Variants in TOGARAM1 observed in about 807,000 individuals in gnomAD.
The protein encoded by TOGARAM1 is TOG array regulator of axonemal microtubules protein 1.
TOGARAM1 carries 100 observed loss-of-function variants against 166.6 expected under a neutral mutation model. The observed-to-expected ratio is 0.60, with a 90% CI of 0.51 to 0.71. The LOEUF (loss-of-function observed/expected upper bound fraction) is 0.71, where lower values mean the gene tolerates loss of function less well. Among genes scored for constraint, TOGARAM1 ranks in the 30% least tolerant of loss-of-function variants. The pLI, the probability that TOGARAM1 is intolerant of heterozygous loss-of-function variation, is 0.00. For missense variants in TOGARAM1, 2,029 were observed against 2,102.7 expected, an observed-to-expected ratio of 0.96 and a Z score of 0.69; for synonymous variants, 758 against 763.8, an observed-to-expected ratio of 0.99 and a Z score of 0.13.
Position 45,052,476 on chromosome 14 carries a change from C to A in TOGARAM1, c.4354C>A (p.Pro1452Thr). The change falls in exon 15 of 20, where the codon CCT becomes ACT. Residue 1452 changes from proline to threonine, a missense_variant. Transcript: ENST00000361462. ...GATGCTGTTCTTCATGATGTGTCAT[C>A]CTAACTTTGAAAAAATGCTTGAAAA... is the stretch of plus-strand genomic sequence containing the variant. ...RKMLFFMMCH[P>T]NFEKMLEKYV... The A allele has an allele frequency of 6.2e-7, 1 of 1,612,618 alleles. No individual in the cohort carries two copies. Among genetic ancestry groups the A allele is most frequent in the South Asian group, 1.1e-5 (1 of 90,914 alleles).
At chr14:44,986,736 G>T (rs2138776407) in intron 1 of TOGARAM1, among the ~76,000 whole-genome samples, 1 of 151,904 alleles carries the variant, frequency 6.6e-6, no homozygotes, top group South Asian at 2.1e-4. Context: ...GCTGGGCGCG[G>T]TGGCTCGAGC....
intron 13 of TOGARAM1, among the ~76,000 whole-genome samples, chr14:45,045,559 ATATATATATATATATATATATATATG>A (rs1566660187): frequency 1.0e-3 from 44 of 43,564 alleles, no homozygotes; most frequent in Non-Finnish European, 1.5e-3. Flanking sequence ...ATATATATAT[ATATATATATATATATATATATATATG>A]TGTGTGTGTG....
In TOGARAM1 at chr14:44,963,300, A is replaced by G; in HGVS notation, c.879A>G (p.Gln293=). The change falls in exon 1 of 20, where the codon CAA becomes CAG. Residue 293 remains glutamine, a synonymous_variant. Coordinates refer to ENST00000361462, the MANE Select transcript of TOGARAM1 (RefSeq NM_001308120.2). The stretch of plus-strand genomic sequence containing the variant: ...AGCGACTTGGCCAAGACAGGTTTCA[A>G]TCTTACATTTCTCGTCTGCCCTCTG... ...IGERLGQDRF[Q]SYISRLPSAL... 2 of 1,614,184 alleles carry G rather than the reference A, an allele frequency of 1.2e-6. No homozygotes were observed. The highest frequency in any genetic ancestry group is 1.7e-6 in the Non-Finnish European group (2 of 1,180,026).
chr14:45,021,353 G>A (rs1203371435), intron 7 of TOGARAM1, among the ~76,000 whole-genome samples: 1 of 152,128 alleles, frequency 6.6e-6, no homozygotes, highest in African/African-American at 2.4e-5. Flanking sequence ...TATATGATGG[G>A]GCATCAATAT....
chr14:44,992,810 G>T (rs754025761), intron 1 of TOGARAM1, among the ~76,000 whole-genome samples: 1 of 151,190 alleles, frequency 6.6e-6, no homozygotes, highest in African/African-American at 2.4e-5. Context: ...GTAGAGACGG[G>T]TTTTCACCGT....
chr14:45,073,437 A>T lies in TOGARAM1; in HGVS notation c.5198A>T (p.Lys1733Ile). 1 of 1,614,182 alleles carries T rather than the reference A, an allele frequency of 6.2e-7. No individual in the cohort carries two copies. The highest frequency in any genetic ancestry group is 8.5e-7 in the Non-Finnish European group (1 of 1,180,038). ...AGGNIRTATAKLSKALFAQMG... is the reference protein window; with the variant it reads ...AGGNIRTATAILSKALFAQMG... ...GGAAATATACGAACAGCCACAGCTA[A>T]ATTATCAAAAGCACTCTTTGCACAG... Residue 1733 changes from lysine (K) to isoleucine (I), a missense_variant, in exon 20 of 20, where the codon AAA becomes ATA. Transcript: ENST00000361462.
chr14:44,997,953 G>A (rs1178087461), intron 2 of TOGARAM1, among the ~76,000 whole-genome samples: 1 of 152,220 alleles, frequency 6.6e-6, no homozygotes, highest in African/African-American at 2.4e-5. Flanking sequence ...AAATGGTTTA[G>A]AAGGTAAAGA....
At chr14:45,033,003 G>A (rs1881247628) in intron 11 of TOGARAM1, among the ~76,000 whole-genome samples, 1 of 152,156 alleles carries the variant, frequency 6.6e-6, no homozygotes, top group Non-Finnish European at 1.5e-5. Flanking sequence ...TGTAATCCCA[G>A]CACTTTGGGA....
intron 11 of TOGARAM1, among the ~76,000 whole-genome samples, chr14:45,040,197 G>A (rs549945497): frequency 1.3e-5 from 2 of 152,296 alleles, no homozygotes; most frequent in Non-Finnish European, 2.9e-5. Flanking sequence ...ACACTTATAT[G>A]TGTAACCTAT....
At chr14:45,059,661 AAAC>A (rs1276601114) in intron 16 of TOGARAM1, among the ~76,000 whole-genome samples, 1 of 144,950 alleles carries the variant, frequency 6.9e-6, no homozygotes, top group Non-Finnish European at 1.5e-5. Flanking sequence ...GTCTCAAAAA[AAAC>A]AAAACAAAAC....
At chr14:45,059,178 A>G (rs1882786445) in intron 16 of TOGARAM1, among the ~76,000 whole-genome samples, 1 of 152,016 alleles carries the variant, frequency 6.6e-6, no homozygotes, top group African/African-American at 2.4e-5. Flanking sequence ...CCTGGGTTCA[A>G]GCAATCCTGT....
chr14:44,974,109 C>A (rs916168913), intron 1 of TOGARAM1, among the ~76,000 whole-genome samples: 1 of 151,690 alleles, frequency 6.6e-6, no homozygotes, highest in Non-Finnish European at 1.5e-5. Context: ...TTCCTCTATT[C>A]TTTTCTATAT....
rs1472445262 is a variant in TOGARAM1, at chr14:44,962,667, G to T, written c.246G>T (p.Trp82Cys). ...LMPSEAVSSS[W>C]SESGGGLSGG... The stretch of plus-strand genomic sequence containing the variant: ...CCTCGGAGGCAGTCTCAAGCAGCTG[G>T]TCTGAGTCTGGAGGCGGTTTGTCAG... Residue 82 changes from tryptophan to cysteine, a missense_variant, in exon 1 of 20, where the codon TGG (tryptophan) becomes TGT (cysteine). Around this residue, in one of 2 missense-constraint regions of TOGARAM1, gnomAD observed 1,453 missense variants for 1,432.2 expected, o/e 1.01. Coordinates refer to ENST00000361462, the MANE Select transcript of TOGARAM1 (RefSeq NM_001308120.2). The T allele has an allele frequency of 3.7e-6, 6 of 1,614,214 alleles. No homozygotes were observed. Among genetic ancestry groups the T allele is most frequent in the Non-Finnish European group, 5.1e-6 (6 of 1,180,040 alleles).
Position 44,962,265 on chromosome 14 carries a change from G to C in TOGARAM1, c.-157G>C, listed in dbSNP as rs1010235050. On this transcript the variant is annotated 5_prime_UTR_variant, in exon 1 of 20. Coordinates refer to ENST00000361462, the MANE Select transcript of TOGARAM1 (RefSeq NM_001308120.2). ...GACGGGGGCCATTTTGCCAGAGGCT[G>C]CCTCCCGGAGTTGGGGGCGGCCTGG... 4 of 891,304 alleles carry C rather than the reference G, an allele frequency of 4.5e-6. No homozygotes were observed. Among genetic ancestry groups the C allele is most frequent in the Non-Finnish European group, 6.4e-6 (4 of 627,984 alleles). The allele number at this position is 891,304 out of a possible 1,614,324, so 55.2% of individuals were successfully genotyped here. A position where few individuals can be genotyped will look rare whatever the true frequency, so the allele number is the denominator to read the frequency against.
chr14:44,996,808 G>A (rs1346386003), intron 2 of TOGARAM1: 1 of 152,234 alleles, frequency 6.6e-6, no homozygotes, highest in Non-Finnish European at 1.5e-5. Context: ...TACATGGTGG[G>A]AGCAAGGGGA....
intron 11 of TOGARAM1, among the ~76,000 whole-genome samples, chr14:45,041,373 C>G (rs989782185): frequency 6.6e-6 from 1 of 152,206 alleles, no homozygotes. Flanking sequence ...TGCACTCCAG[C>G]CTGGGCGACA....
intron 1 of TOGARAM1, among the ~76,000 whole-genome samples, chr14:44,986,599 A>G (rs1227064657): frequency 6.6e-6 from 1 of 152,074 alleles, no homozygotes; most frequent in Non-Finnish European, 1.5e-5. Context: ...TCCTGGCCCA[A>G]CTTTTTCTAA....
chr14:44,987,803 C>T (rs1212950210), intron 1 of TOGARAM1, among the ~76,000 whole-genome samples: 1 of 148,464 alleles, frequency 6.7e-6, no homozygotes, highest in Non-Finnish European at 1.5e-5. Context: ...GACACATGCA[C>T]ACGTATGTTT....
At chr14:44,984,574 G>A (rs1406123742) in intron 1 of TOGARAM1, among the ~76,000 whole-genome samples, 1 of 151,482 alleles carries the variant, frequency 6.6e-6, no homozygotes, top group African/African-American at 2.4e-5. Flanking sequence ...ATCACTTGAG[G>A]CCTGGGCAAT....
Sources: allele counts gnomAD v4.1 joint callset (sites outside exome capture counted in the v4.1 genomes callset), GRCh38; gene constraint gnomAD v4.1.1; regional missense constraint gnomAD v4.1.1; transcripts MANE v1.5; gene names NCBI Gene and HGNC (gene_info 2026-07-23, HGNC 2026-07-21).